Variants in ACOT11 observed in about 807,000 individuals in gnomAD.
ACOT11 encodes acyl-coenzyme A thioesterase 11.
ACOT11 carries 69 observed loss-of-function variants against 77.5 expected under a neutral mutation model. The ratio of observed to expected loss-of-function variants is 0.89; its 90% CI spans 0.73 to 1.09. The LOEUF (loss-of-function observed/expected upper bound fraction) is 1.09. Among genes scored for constraint, ACOT11 ranks in the 50% least tolerant of loss-of-function variants. The pLI is 0.00. For synonymous variants in ACOT11, 279 were observed against 313.0 expected (o/e 0.89, Z 1.15); for missense variants, 766 against 813.7 (o/e 0.94, Z 0.71).
Position 54,563,133 on chromosome 1 carries a change from C to T in ACOT11, c.33+14791C>T, listed in dbSNP as rs569729034. 8.5e-5 allele frequency among the ~76,000 whole-genome samples: 13 copies of T among 152,292 alleles called. No individual in the cohort carries two copies. In the South Asian group the frequency reaches 2.5e-3, roughly 29 times the overall value. ...GCCTCCCGGGCGGCGCTCGCTGGCG[C>T]GGCGGCAAAGACTCTGATTTTTTAA... On this transcript the variant is annotated intron_variant, in intron 1 of 15. Coordinates refer to ENST00000343744, the MANE Select transcript of ACOT11 (RefSeq NM_147161.4).
intron 1 of ACOT11, among the ~76,000 whole-genome samples, chr1:54,561,095 TTTTTTA>T (rs1653465796): frequency 2.1e-5 from 3 of 145,772 alleles, no homozygotes; most frequent in South Asian, 2.1e-4. Context: ...TTTTTTATTT[TTTTTTA>T]TTTTTTAAAT....
rs773822369 is a variant in ACOT11 at position 54,597,304 on chromosome 1, C to A, written c.653C>A (p.Thr218Asn). The A allele has an allele frequency of 9.9e-6, 16 of 1,613,804 alleles. No homozygotes were observed. The highest frequency in any genetic ancestry group is 1.4e-5 in the Non-Finnish European group (16 of 1,180,006). The change falls in exon 7 of 16, where the codon ACC becomes AAC. Residue 218 changes from threonine (T) to asparagine (N), a missense_variant. Coordinates refer to ENST00000343744, the MANE Select transcript of ACOT11 (RefSeq NM_147161.4). Reference protein sequence around the residue: ...DCSRMVPAEKTRVESVELVLP... With the variant: ...DCSRMVPAEKNRVESVELVLP... ...AGCCGCATGGTGCCGGCTGAGAAGACCCGTGTGGAGAGTGTGGAGCTGGTC... is the reference window on the plus strand; with the variant it reads ...AGCCGCATGGTGCCGGCTGAGAAGAACCGTGTGGAGAGTGTGGAGCTGGTC...
chr1:54,584,900 C>G lies in ACOT11; in HGVS notation c.241+38C>G, dbSNP rs74071863. ...TCCCCATGGTTCCCTACCTGCCCCA[C>G]AGGCCCAGAGCAGGGGCCGTGCTTT... is the stretch of plus-strand genomic sequence containing the variant. On this transcript the variant is annotated intron_variant, in intron 2 of 15. Coordinates refer to ENST00000343744, the MANE Select transcript of ACOT11 (RefSeq NM_147161.4). This position sits in a 1 kb window ranked among gnomAD's most constrained non-coding sequence, Gnocchi z 6.3. 1,648 of 1,581,052 alleles carry G rather than the reference C, an allele frequency of 1.0e-3. 15 individuals are homozygous for G. The African/African-American group carries it at 0.019, about 18-fold the overall frequency.
At chr1:54,551,669 C>CT (rs1653070831) in intron 1 of ACOT11, among the ~76,000 whole-genome samples, 1 of 152,098 alleles carries the variant, frequency 6.6e-6, no homozygotes, top group Non-Finnish European at 1.5e-5. Context: ...GGCTCAGAAG[C>CT]TTTTTTTACT....
intron 16 of ACOT11, among the ~76,000 whole-genome samples, chr1:54,631,912 A>G (rs1644301793): frequency 6.6e-6 from 1 of 152,174 alleles, no homozygotes; most frequent in African/African-American, 2.4e-5. Context: ...AGTTTATTAT[A>G]TCAAAGCCTA....
chr1:54,555,069 C>T (rs1557644345), intron 1 of ACOT11, among the ~76,000 whole-genome samples: 1 of 152,156 alleles, frequency 6.6e-6, no homozygotes, highest in East Asian at 1.9e-4. Flanking sequence ...AGTGATTCTC[C>T]TGCCTCAGCC....
chr1:54,579,957 T>G (rs1654246357), intron 1 of ACOT11, among the ~76,000 whole-genome samples: 1 of 152,214 alleles, frequency 6.6e-6, no homozygotes, highest in Non-Finnish European at 1.5e-5. Context: ...CCCAGCTGTA[T>G]TTCTGTAGAA....
downstream of ACOT11, chr1:54,610,670 A>G: frequency 6.9e-7 from 1 of 1,458,976 alleles, no homozygotes; most frequent in Non-Finnish European, 9.1e-7. Flanking sequence ...GCCTCATAGC[A>G]CCCTGCCAAG....
intron 1 of ACOT11, among the ~76,000 whole-genome samples, chr1:54,569,197 A>G (rs948559829): frequency 1.3e-5 from 2 of 151,594 alleles, no homozygotes; most frequent in Non-Finnish European, 2.9e-5. Flanking sequence ...CCTGGCTTCA[A>G]GCAATCCTCC....
At chr1:54,549,473 AC>A (rs1652988678) in intron 1 of ACOT11, among the ~76,000 whole-genome samples, 1 of 151,632 alleles carries the variant, frequency 6.6e-6, no homozygotes, top group Non-Finnish European at 1.5e-5. Flanking sequence ...TGCCGGAGTT[AC>A]CCCCAGCCTT....
At chr1:54,561,094 T>TG (rs753494703) in intron 1 of ACOT11, among the ~76,000 whole-genome samples, 74,932 of 139,488 alleles carry the variant, frequency 0.54, 18,965 homozygotes, top group African/African-American at 0.56. Flanking sequence ...TTTTTTTATT[T>TG]TTTTTTATTT....
At chr1:54,623,976 A>G (rs2101029122) in intron 15 of ACOT11, among the ~76,000 whole-genome samples, 1 of 152,244 alleles carries the variant, frequency 6.6e-6, no homozygotes, top group African/African-American at 2.4e-5. Flanking sequence ...CTTTCATCTG[A>G]GATTATGGTT....
At chr1:54,634,109 A>G (rs1373295167) in intron 16 of ACOT11, among the ~76,000 whole-genome samples, 1 of 152,236 alleles carries the variant, frequency 6.6e-6, no homozygotes, top group African/African-American at 2.4e-5. Context: ...TGATCCTGGA[A>G]AAATTACTGT....
intron 3 of ACOT11, among the ~76,000 whole-genome samples, chr1:54,591,904 A>G (rs1654725683): frequency 6.6e-6 from 1 of 152,242 alleles, no homozygotes; most frequent in Non-Finnish European, 1.5e-5. Flanking sequence ...TTCCAATGGC[A>G]GTGCACAGTG....
intron 16 of ACOT11, among the ~76,000 whole-genome samples, chr1:54,631,451 G>C (rs1644299383): frequency 6.6e-6 from 1 of 152,158 alleles, no homozygotes; most frequent in Admixed American, 6.5e-5. Context: ...CCTACTGACT[G>C]GGACGCTCTT....
rs756243714 is a variant in ACOT11 at position 54,601,270 on chromosome 1, A to G, written c.886A>G (p.Met296Val). 3.7e-6 allele frequency: 6 copies of G among 1,610,418 alleles called. No homozygotes were observed. Among genetic ancestry groups the G allele is most frequent in the Middle Eastern group, 3.3e-4 (2 of 6,056 alleles). The stretch of plus-strand genomic sequence containing the variant: ...GGAAGCCACACTCCCTCCCCTCAGC[A>G]TGGAGGTGGGCGTGTGCGTGGAGGC... ...AIVNNAFKHSMEVGVCVEAYR... is the reference protein window; with the variant it reads ...AIVNNAFKHSVEVGVCVEAYR... Residue 296 changes from methionine to valine, a missense_variant and splice_region_variant, in exon 9 of 16, where the codon ATG (methionine) becomes GTG (valine). Met to Val is a conservative substitution (Grantham distance 21). Transcript: ENST00000343744.
chr1:54,607,364 G>A lies in ACOT11; in HGVS notation c.1502+99G>A. 2.6e-6 allele frequency: 4 copies of A among 1,559,184 alleles called. No homozygotes were observed. Among genetic ancestry groups the A allele is most frequent in the South Asian group, 1.2e-5 (1 of 84,334 alleles). ...GGAAGGGCATCAGCCTGGAGCCAGA[G>A]CTCTGCTTCCCATTGGCTGTGGGGC... On this transcript the variant is annotated intron_variant, in intron 14 of 15. Transcript: ENST00000343744. The surrounding 1 kb of genome is among the most constrained non-coding windows in gnomAD (Gnocchi z 4.5).
intron 3 of ACOT11, among the ~76,000 whole-genome samples, chr1:54,586,227 G>A (rs1468811885): frequency 3.9e-5 from 6 of 152,128 alleles, no homozygotes; most frequent in Admixed American, 3.9e-4. Flanking sequence ...CTCATCTGCA[G>A]AATGGATGGG....
At chr1:54,548,516 G>C in intron 1 of ACOT11, 174 bp downstream of exon 1, 2 of 850,734 alleles carry the variant, frequency 2.4e-6, no homozygotes, top group Non-Finnish European at 3.6e-6. Context: ...TTTATTATCA[G>C]CAGCAATCTC....
Sources: gnomAD v4.1 joint callset for allele counts (sites outside exome capture counted in the v4.1 genomes callset) on GRCh38, gnomAD v4.1.1 for gene constraint, Gnocchi (gnomAD v3.1) non-coding constraint, MANE v1.5 for transcripts, NCBI Gene and HGNC (gene_info 2026-07-23, HGNC 2026-07-21) for gene names.